The following ANKS1B variants were observed in gnomAD, a reference collection of about 807,000 sequenced individuals.
ANKS1B encodes the protein ankyrin repeat and sterile alpha motif domain-containing protein 1B.
A neutral mutation model predicts 148.3 loss-of-function variants in ANKS1B; 36 were observed. The ratio of observed to expected loss-of-function variants is 0.24; its 90% CI spans 0.19 to 0.32. The LOEUF (loss-of-function observed/expected upper bound fraction) is 0.32. Ranked by LOEUF, ANKS1B falls within the 10% of genes least tolerant of loss-of-function variation. ANKS1B has a pLI of 1.00. For missense variants in ANKS1B, 1,157 were observed against 1,542.6 expected, an observed-to-expected ratio of 0.75 and a Z score of 4.19; for synonymous variants, 542 against 560.8, an observed-to-expected ratio of 0.97 and a Z score of 0.47.
chr12:98,895,151 C>G, intron 17 of ANKS1B: 12 of 985,160 alleles, frequency 1.2e-5, no homozygotes, highest in Non-Finnish European at 1.4e-5. Flanking sequence ...CGGACCCTCA[C>G]TGCGAGAGCG....
At chr12:99,826,656 A>C (rs1284759625) in intron 1 of ANKS1B, among the ~76,000 whole-genome samples, 2 of 152,198 alleles carry the variant, frequency 1.3e-5, no homozygotes, top group African/African-American at 4.8e-5. Flanking sequence ...CCTAGTTTGC[A>C]GACGTTAAAT....
At chr12:99,414,158 T>C (rs2094817222) in intron 11 of ANKS1B, among the ~76,000 whole-genome samples, 1 of 152,124 alleles carries the variant, frequency 6.6e-6, no homozygotes, top group Admixed American at 6.5e-5. Context: ...TCTGTTAGGT[T>C]GAAACATATG....
chr12:99,768,862 C>A (rs1459510998), intron 8 of ANKS1B, among the ~76,000 whole-genome samples: 1 of 146,842 alleles, frequency 6.8e-6, no homozygotes, highest in Non-Finnish European at 1.5e-5. Context: ...ATCAGGAGAA[C>A]CTGCTTTTTT....
At chr12:99,786,093 C>A (rs2153638179) in intron 4 of ANKS1B, among the ~76,000 whole-genome samples, 1 of 152,166 alleles carries the variant, frequency 6.6e-6, no homozygotes, top group Middle Eastern at 3.4e-3. Context: ...TGTTTTTCAA[C>A]CAGATTTCTG....
intron 14 of ANKS1B, among the ~76,000 whole-genome samples, chr12:99,230,302 G>T (rs2086630247): frequency 6.6e-6 from 1 of 152,050 alleles, no homozygotes; most frequent in African/African-American, 2.4e-5. Context: ...TATTATCTCT[G>T]GAAGCAGTGA....
intron 12 of ANKS1B, among the ~76,000 whole-genome samples, chr12:99,347,637 C>T (rs1169630512): frequency 1.3e-5 from 2 of 151,902 alleles, no homozygotes; most frequent in African/African-American, 4.8e-5. Context: ...TCAGTGACCA[C>T]AGAGGATAAA....
intron 16 of ANKS1B, 59 bp downstream of exon 16, chr12:99,084,866 C>G: frequency 7.3e-7 from 1 of 1,360,846 alleles, no homozygotes; most frequent in East Asian, 2.4e-5. Context: ...CCTTGCATGC[C>G]TGGACTCAAA....
At chr12:99,629,568 G>A (rs2098139192) in intron 9 of ANKS1B, among the ~76,000 whole-genome samples, 1 of 152,090 alleles carries the variant, frequency 6.6e-6, no homozygotes, top group African/African-American at 2.4e-5. Flanking sequence ...TGTAAGTGCT[G>A]TTACTATCCT....
chr12:99,224,675 G>A (rs1014980024), intron 14 of ANKS1B, among the ~76,000 whole-genome samples: 4 of 152,076 alleles, frequency 2.6e-5, no homozygotes, highest in African/African-American at 4.8e-5. Flanking sequence ...AAAAAATTAC[G>A]CAGTCTCAGG....
intron 14 of ANKS1B, among the ~76,000 whole-genome samples, chr12:99,214,645 A>G (rs1163842692): frequency 6.6e-6 from 1 of 152,230 alleles, no homozygotes; most frequent in Non-Finnish European, 1.5e-5. Context: ...ACCCAGTCTC[A>G]TAGCAGTATG....
chr12:99,622,493 C>A (rs1159407999), intron 9 of ANKS1B, among the ~76,000 whole-genome samples: 1 of 151,826 alleles, frequency 6.6e-6, no homozygotes, highest in Admixed American at 6.6e-5. Context: ...AATCAATATA[C>A]TGCTAAACAG....
At chr12:98,735,657 A>G (rs2097769004) in intron 9 of ANKS1B, 1 of 757,950 alleles carries the variant, frequency 1.3e-6, no homozygotes. Flanking sequence ...GAATTCATTT[A>G]TTTATTCACT....
At chr12:99,654,754 A>C (rs762840373) in intron 9 of ANKS1B, among the ~76,000 whole-genome samples, 7 of 152,110 alleles carry the variant, frequency 4.6e-5, no homozygotes, top group Non-Finnish European at 8.8e-5. Context: ...TTTACTTTTT[A>C]AAAATAGCAT....
intron 17 of ANKS1B, among the ~76,000 whole-genome samples, chr12:98,962,297 A>C (rs1460112906): frequency 6.6e-6 from 1 of 151,658 alleles, no homozygotes; most frequent in Non-Finnish European, 1.5e-5. Flanking sequence ...TATATCAGAC[A>C]AAATAGATTT....
chr12:99,972,131 C>T (rs1177778526), intron 1 of ANKS1B, among the ~76,000 whole-genome samples: 1 of 152,188 alleles, frequency 6.6e-6, no homozygotes, highest in Admixed American at 6.5e-5. Flanking sequence ...TCTCCCTCTC[C>T]TTGGGCCTCC....
At chr12:99,345,017 T>C (rs538333417) in intron 12 of ANKS1B, 1 of 152,220 alleles carries the variant, frequency 6.6e-6, no homozygotes, top group African/African-American at 2.4e-5. Flanking sequence ...TTTGTCGGCT[T>C]TGGACCATGT....
rs1311946913 is a variant in ANKS1B, at chr12:98,983,169, C to T, written c.2778+69988G>A. Among the ~76,000 whole-genome samples the T allele has an allele frequency of 3.6e-4, 55 of 152,184 alleles. 1 individual carries two copies. The highest frequency in any genetic ancestry group is 3.6e-3 in the Admixed American group (55 of 15,280). ...GTTCTCTACTTGGGGTCTCACCAGT[C>T]TAAAATCAAAGTTTCAGCTGGGCTG... On this transcript the variant is annotated intron_variant, in intron 17 of 26. Coordinates refer to ENST00000683438, the MANE Select transcript of ANKS1B (RefSeq NM_001352186.2).
intron 8 of ANKS1B, among the ~76,000 whole-genome samples, chr12:99,753,509 ACTT>A (rs2061299107): frequency 6.6e-6 from 1 of 152,100 alleles, no homozygotes; most frequent in Admixed American, 6.6e-5. Flanking sequence ...TGCTCTGTAT[ACTT>A]CAATGTGTTT....
At chr12:99,785,725 G>A (rs1256204366) in intron 4 of ANKS1B, among the ~76,000 whole-genome samples, 3 of 152,094 alleles carry the variant, frequency 2.0e-5, no homozygotes, top group Non-Finnish European at 4.4e-5. Context: ...GAGCCACTGC[G>A]CCTGGCCAAA....
Sources: gnomAD v4.1 joint callset for allele counts (sites outside exome capture counted in the v4.1 genomes callset) on GRCh38, gnomAD v4.1.1 for gene constraint, MANE v1.5 for transcripts, NCBI Gene and HGNC (gene_info 2026-07-23, HGNC 2026-07-21) for gene names.